Variants in DNAH14 observed in about 807,000 individuals in gnomAD.
The protein encoded by DNAH14 is dynein axonemal heavy chain 14.
In DNAH14, 478 loss-of-function variants were observed where a neutral mutation model predicts 520.9. The ratio of observed to expected loss-of-function variants is 0.92; its 90% CI spans 0.85 to 0.99. The LOEUF (loss-of-function observed/expected upper bound fraction) is 0.99, where lower values mean the gene tolerates loss of function less well. Among genes scored for constraint, DNAH14 ranks in the 50% least tolerant of loss-of-function variants. The pLI is 0.00. For missense variants in DNAH14, 4,831 were observed against 5,234.5 expected, an observed-to-expected ratio of 0.92 and a Z score of 2.38; for synonymous variants, 1,581 against 1,757.2, an observed-to-expected ratio of 0.90 and a Z score of 2.51.
intron 11 of DNAH14, among the ~76,000 whole-genome samples, chr1:225,034,732 T>G (rs7522291): frequency 2.6e-5 from 4 of 152,180 alleles, no homozygotes; most frequent in African/African-American, 9.7e-5. Context: ...TAGGCTGTTA[T>G]TACTGATTCA....
intron 38 of DNAH14, among the ~76,000 whole-genome samples, chr1:225,199,392 T>A (rs2086535363): frequency 6.6e-6 from 1 of 152,176 alleles, no homozygotes; most frequent in Non-Finnish European, 1.5e-5. Flanking sequence ...GGGTTTGGTT[T>A]GTTCTTGTTT....
At chr1:225,239,193 C>T (rs2091813377) in intron 42 of DNAH14, among the ~76,000 whole-genome samples, 1 of 152,156 alleles carries the variant, frequency 6.6e-6, no homozygotes, top group Admixed American at 6.5e-5. Flanking sequence ...GGATAGATCT[C>T]CTGTCTTTCT....
chr1:224,941,776 C>T (rs1413918499), intron 1 of DNAH14, among the ~76,000 whole-genome samples: 1 of 152,164 alleles, frequency 6.6e-6, no homozygotes, highest in Non-Finnish European at 1.5e-5. Flanking sequence ...ATCCTTTCCC[C>T]ATTGCTTGTT....
intron 41 of DNAH14, among the ~76,000 whole-genome samples, chr1:225,214,543 T>C (rs2088992243): frequency 6.6e-6 from 1 of 152,158 alleles, no homozygotes; most frequent in Non-Finnish European, 1.5e-5. Context: ...CTGCTAGACT[T>C]TTTTTGGTTG....
At chr1:225,184,169 A>T (rs1281194264) in intron 36 of DNAH14, among the ~76,000 whole-genome samples, 1 of 152,216 alleles carries the variant, frequency 6.6e-6, no homozygotes, top group African/African-American at 2.4e-5. Flanking sequence ...ATGGACATAG[A>T]TGCAAAAATC....
intron 60 of DNAH14, among the ~76,000 whole-genome samples, chr1:225,313,067 G>A (rs187007531): frequency 2.0e-5 from 3 of 152,260 alleles, no homozygotes; most frequent in African/African-American, 7.2e-5. Context: ...TAATCCATCT[G>A]GTCCTGGGCT....
At chr1:225,129,451 T>C (rs1179780063) in intron 27 of DNAH14, among the ~76,000 whole-genome samples, 4 of 151,228 alleles carry the variant, frequency 2.6e-5, no homozygotes, top group Non-Finnish European at 5.9e-5. Context: ...AACAGCATGG[T>C]ACTGGTACCA....
At chr1:225,038,534 T>G (rs866479422) in intron 11 of DNAH14, among the ~76,000 whole-genome samples, 160 bp from the exon 12 acceptor site, 1 of 152,210 alleles carries the variant, frequency 6.6e-6, no homozygotes, top group African/African-American at 2.4e-5. Flanking sequence ...TTTCTTGTGC[T>G]TATTGTCCAT....
chr1:224,971,433 T>A (rs1225495406), intron 7 of DNAH14, among the ~76,000 whole-genome samples: 1 of 152,224 alleles, frequency 6.6e-6, no homozygotes, highest in Non-Finnish European at 1.5e-5. Context: ...ATCATGTCCC[T>A]ATTTTGTTTC....
chr1:225,335,962 T>C (rs1325558868), intron 66 of DNAH14, among the ~76,000 whole-genome samples: 1 of 146,072 alleles, frequency 6.8e-6, no homozygotes, highest in Admixed American at 6.8e-5. Context: ...TATACACATA[T>C]ACATATATGT....
Position 225,051,700 on chromosome 1 carries a change from C to G in DNAH14, c.2329C>G (p.Gln777Glu), listed in dbSNP as rs1349737091. 6.4e-7 allele frequency: 1 copy of G among 1,550,930 alleles called. No individual in the cohort carries two copies. The highest frequency in any genetic ancestry group is 2.5e-5 in the East Asian group (1 of 40,786). The change falls in exon 17 of 86, where the codon CAA (glutamine) becomes GAA (glutamate). Residue 777 changes from glutamine (Q) to glutamate (E), a missense_variant. Coordinates refer to ENST00000682510, the MANE Select transcript of DNAH14 (RefSeq NM_001367479.1). ...TTTCAACGTTGTAAGTCTTGATTAT[C>G]AATCAGAATGCTTACTGTATATTGA... ...GIFNVVSLDYQSECLLYIDNV... is the reference protein window; with the variant it reads ...GIFNVVSLDYESECLLYIDNV...
chr1:225,297,888 G>T (rs2094046568), intron 55 of DNAH14, among the ~76,000 whole-genome samples: 1 of 152,128 alleles, frequency 6.6e-6, no homozygotes, highest in African/African-American at 2.4e-5. Flanking sequence ...CCACTGGGTT[G>T]TTTCTTAGGC....
rs185053063 is a variant in DNAH14 at position 225,269,669 on chromosome 1, G to A, written c.7540-1066G>A. ...ACAACTCCATCAAAAAGTGGGCAAAGGATATGAACAGACACTTCACAAAAG... is the reference window on the plus strand; with the variant it reads ...ACAACTCCATCAAAAAGTGGGCAAAAGATATGAACAGACACTTCACAAAAG... On this transcript the variant is annotated intron_variant, in intron 49 of 85. Transcript: ENST00000682510. Among the ~76,000 whole-genome samples, 4 of 152,272 alleles carry A rather than the reference G, an allele frequency of 2.6e-5. No individual in the cohort carries two copies. The East Asian group carries it at 7.7e-4, about 29-fold the overall frequency.
Position 225,399,183 on chromosome 1 carries a change from A to G in DNAH14, c.13768A>G (p.Thr4590Ala). 1.3e-6 allele frequency: 2 copies of G among 1,551,744 alleles called. No individual in the cohort carries two copies. Among genetic ancestry groups the G allele is most frequent in the Middle Eastern group, 1.7e-4 (1 of 5,994 alleles). Residue 4590 changes from threonine (T) to alanine (A), a missense_variant, in exon 86 of 86, where the codon ACA becomes GCA. Transcript: ENST00000682510. ...TACCGGTTTACCAACAAACTTTTTA[A>G]CATCAGTGTATTTATCAACGAAGAA... The part of the protein sequence containing the change: ...ATTGLPTNFL[T>A]SVYLSTKKPP...
intron 76 of DNAH14, 71 bp from the exon 77 acceptor site, chr1:225,367,734 A>T: frequency 1.9e-6 from 2 of 1,080,536 alleles, no homozygotes; most frequent in Non-Finnish European, 2.7e-6. Flanking sequence ...GTGTTGTAGA[A>T]AGACAAGTGC....
At chr1:225,070,009 G>A (rs2071371848) in intron 17 of DNAH14, among the ~76,000 whole-genome samples, 1 of 151,974 alleles carries the variant, frequency 6.6e-6, no homozygotes, top group Admixed American at 6.6e-5. Flanking sequence ...TATTCATAAT[G>A]TTTTCTGATA....
intron 36 of DNAH14, among the ~76,000 whole-genome samples, chr1:225,179,187 A>C (rs1359823569): frequency 6.6e-6 from 1 of 152,162 alleles, no homozygotes; most frequent in Non-Finnish European, 1.5e-5. Context: ...TATTTGCTTT[A>C]ATTGGAGAAT....
At chr1:225,373,262 C>T (rs1436365908) in intron 77 of DNAH14, among the ~76,000 whole-genome samples, 5 of 151,488 alleles carry the variant, frequency 3.3e-5, no homozygotes, top group African/African-American at 9.7e-5. Flanking sequence ...AGGCCGAGGC[C>T]GCCAGATCAC....
At chr1:225,027,920 A>G (rs1282727245) in intron 11 of DNAH14, among the ~76,000 whole-genome samples, 1 of 151,480 alleles carries the variant, frequency 6.6e-6, no homozygotes. Context: ...TTATTAATGT[A>G]GCATATTACA....
Sources: allele counts gnomAD v4.1 joint callset (sites outside exome capture counted in the v4.1 genomes callset), GRCh38; gene constraint gnomAD v4.1.1; transcripts MANE v1.5; gene names NCBI Gene and HGNC (gene_info 2026-07-23, HGNC 2026-07-21).